GRIA4: variants seen among roughly 807,000 people sequenced by gnomAD.
GRIA4 encodes the protein glutamate receptor 4.
A neutral mutation model predicts 104.0 loss-of-function variants in GRIA4; 34 were observed. The observed-to-expected ratio is 0.33, with a 90% CI of 0.25 to 0.44. GRIA4 has a LOEUF of 0.44. Ranked by LOEUF, GRIA4 falls within the 20% of genes least tolerant of loss-of-function variation. The pLI, the probability that GRIA4 is intolerant of heterozygous loss-of-function variation, is 1.00. For missense variants in GRIA4, 750 were observed against 1,096.5 expected, an observed-to-expected ratio of 0.68 and a Z score of 4.46; for synonymous variants, 386 against 381.9, an observed-to-expected ratio of 1.01 and a Z score of -0.13.
intron 4 of GRIA4, among the ~76,000 whole-genome samples, chr11:105,817,350 T>A (rs1943419796): frequency 6.7e-6 from 1 of 149,666 alleles, no homozygotes; most frequent in South Asian, 2.2e-4. Flanking sequence ...CCATGGCTTA[T>A]GACTAGAGCA....
chr11:105,636,710 A>C (rs1259421190), intron 3 of GRIA4, among the ~76,000 whole-genome samples: 1 of 152,206 alleles, frequency 6.6e-6, no homozygotes, highest in Non-Finnish European at 1.5e-5. Flanking sequence ...TTGGAAAAAA[A>C]GGATGCTTAT....
intron 3 of GRIA4, among the ~76,000 whole-genome samples, chr11:105,679,934 G>T (rs1198678510): frequency 1.3e-5 from 2 of 152,038 alleles, no homozygotes; most frequent in Non-Finnish European, 2.9e-5. Flanking sequence ...GTCTCCCCCT[G>T]ACTTTAAACA....
chr11:105,915,046 T>C (rs918381897), intron 10 of GRIA4, among the ~76,000 whole-genome samples: 15 of 152,280 alleles, frequency 9.9e-5, no homozygotes, highest in Middle Eastern at 3.4e-3. Flanking sequence ...GGGCGAATGT[T>C]GAGTATTTGC....
intron 3 of GRIA4, among the ~76,000 whole-genome samples, chr11:105,626,460 C>T (rs910648774): frequency 1.3e-5 from 2 of 151,964 alleles, no homozygotes; most frequent in African/African-American, 2.4e-5. Flanking sequence ...TTTGGTGGTA[C>T]AGATGAAGAG....
chr11:105,959,321 T>G (rs1298900456), intron 14 of GRIA4, among the ~76,000 whole-genome samples: 2 of 152,166 alleles, frequency 1.3e-5, no homozygotes, highest in Non-Finnish European at 1.5e-5. Context: ...TTTTTCTCTA[T>G]TCTTGTCTGT....
rs144561566 is a variant in GRIA4 at position 105,850,541 on chromosome 11, C to T, written c.488-11483C>T. ...TACGGTTTAATGTTTGATGTCCTTA[C>T]AGAGAGAAGGCAGTTGATAGTGTGT... is the stretch of plus-strand genomic sequence containing the variant. On this transcript the variant is annotated intron_variant, in intron 4 of 16. Coordinates refer to ENST00000282499, the MANE Select transcript of GRIA4 (RefSeq NM_000829.4). Among the ~76,000 whole-genome samples, 675 of 152,230 alleles carry T rather than the reference C, an allele frequency of 4.4e-3. 9 individuals are homozygous for T. Among genetic ancestry groups the T allele is most frequent in the African/African-American group, 0.015 (643 of 41,532 alleles).
intron 14 of GRIA4, among the ~76,000 whole-genome samples, chr11:105,944,250 T>C (rs1218006834): frequency 6.6e-6 from 1 of 152,174 alleles, no homozygotes; most frequent in Admixed American, 6.6e-5. Context: ...GAATATACTT[T>C]GACAAACTGA....
intron 14 of GRIA4, among the ~76,000 whole-genome samples, chr11:105,944,584 GA>G (rs200557167): frequency 0.023 from 642 of 27,940 alleles, 13 homozygotes; most frequent in Admixed American, 0.023. Context: ...TACATAAATG[GA>G]AAAAAAAAAG....
chr11:105,769,390 G>A (rs1278126688), intron 4 of GRIA4, among the ~76,000 whole-genome samples: 6 of 152,002 alleles, frequency 3.9e-5, no homozygotes, highest in African/African-American at 1.4e-4. Flanking sequence ...TCCAGATGAT[G>A]TGGAGGAAAA....
intron 9 of GRIA4, among the ~76,000 whole-genome samples, chr11:105,907,598 C>T (rs1229000467): frequency 1.3e-5 from 2 of 152,160 alleles, no homozygotes; most frequent in African/African-American, 4.8e-5. Context: ...GTCCCAGCTG[C>T]TAAGTACAGC....
chr11:105,891,255 C>G (rs1946445388), intron 6 of GRIA4, among the ~76,000 whole-genome samples: 1 of 152,026 alleles, frequency 6.6e-6, no homozygotes, highest in Admixed American at 6.6e-5. Flanking sequence ...GACCTGATTC[C>G]CCATGGGGTT....
At chr11:105,831,021 G>T (rs1943955435) in intron 4 of GRIA4, among the ~76,000 whole-genome samples, 1 of 151,884 alleles carries the variant, frequency 6.6e-6, no homozygotes, top group Middle Eastern at 3.4e-3. Flanking sequence ...CATGCCAAAT[G>T]TGGTAACTTT....
chr11:105,748,035 G>A (rs1341976278), intron 3 of GRIA4, among the ~76,000 whole-genome samples: 1 of 152,072 alleles, frequency 6.6e-6, no homozygotes, highest in Non-Finnish European at 1.5e-5. Context: ...ATTTTACTTG[G>A]TAGTTATTAT....
chr11:105,972,800 T>C (rs573885333), intron 15 of GRIA4, among the ~76,000 whole-genome samples: 3 of 152,324 alleles, frequency 2.0e-5, no homozygotes, highest in East Asian at 1.9e-4. Context: ...CACAAGTTGA[T>C]AGAATATAGT....
intron 3 of GRIA4, among the ~76,000 whole-genome samples, chr11:105,639,333 A>G (rs1304971892): frequency 6.6e-6 from 1 of 152,086 alleles, no homozygotes. Flanking sequence ...GAGGGAATTA[A>G]TTTCATGACT....
intron 14 of GRIA4, among the ~76,000 whole-genome samples, chr11:105,937,319 T>C (rs575556498): frequency 2.0e-5 from 3 of 152,326 alleles, no homozygotes; most frequent in South Asian, 2.1e-4. Context: ...TACTATACTA[T>C]AGTATTTATG....
At chr11:105,979,186 C>T (rs1263860223) in intron 16 of GRIA4, among the ~76,000 whole-genome samples, 2 of 152,140 alleles carry the variant, frequency 1.3e-5, no homozygotes, top group Non-Finnish European at 2.9e-5. Context: ...AATCCTTGCA[C>T]TGTAAAGACA....
At chr11:105,680,298 T>A (rs1242129135) in intron 3 of GRIA4, among the ~76,000 whole-genome samples, 1 of 152,110 alleles carries the variant, frequency 6.6e-6, no homozygotes, top group East Asian at 1.9e-4. Context: ...CAGCTCTTTG[T>A]TCCTGGACCC....
rs1314544223 is a variant in GRIA4 at position 105,912,343 on chromosome 11, T to C, written c.1269+1798T>C. On this transcript the variant is annotated intron_variant, in intron 10 of 16. Transcript: ENST00000282499. ...CTGTTCTGTGTGAAATAAAGTGTTT[T>C]AATGTGCATTATAGGTATGATATAG... 4 of 974,804 alleles carry C rather than the reference T, an allele frequency of 4.1e-6. No homozygotes were observed. In the Admixed American group the frequency reaches 1.9e-4, roughly 45 times the overall value. 60.4% of individuals were successfully genotyped at this position (974,804 alleles called of 1,614,324 possible).
Sources: allele counts gnomAD v4.1 joint callset (sites outside exome capture counted in the v4.1 genomes callset), GRCh38; gene constraint gnomAD v4.1.1; transcripts MANE v1.5; gene names NCBI Gene and HGNC (gene_info 2026-07-23, HGNC 2026-07-21).